The following KCNQ5 variants were observed in gnomAD, a reference collection of about 807,000 sequenced individuals.
The protein encoded by KCNQ5 is potassium voltage-gated channel subfamily Q member 5.
In KCNQ5, 30 loss-of-function variants were observed where a neutral mutation model predicts 98.2. That is an observed-to-expected ratio of 0.31 (90% CI 0.23 to 0.41). The LOEUF is 0.41. KCNQ5 is among the 10% of genes least tolerant of loss of function. The pLI is 1.00. For missense variants in KCNQ5, 835 were observed against 1,182.5 expected (o/e 0.71, Z 4.31); for synonymous variants, 458 against 449.4 (o/e 1.02, Z -0.24).
chr6:72,912,881 T>C (rs1426445080), intron 1 of KCNQ5, among the ~76,000 whole-genome samples: 1 of 152,156 alleles, frequency 6.6e-6, no homozygotes, highest in African/African-American at 2.4e-5. Context: ...TAACTTCCTT[T>C]AAAAGGACAT....
At chr6:73,032,797 A>AGGTTT (rs1344547920) in intron 2 of KCNQ5, among the ~76,000 whole-genome samples, 18 of 151,670 alleles carry the variant, frequency 1.2e-4, no homozygotes, top group African/African-American at 4.1e-4. Flanking sequence ...CAAACCAATT[A>AGGTTT]AGGTATAAAT....
chr6:72,938,666 C>T (rs1039414679), intron 1 of KCNQ5, among the ~76,000 whole-genome samples: 12 of 152,124 alleles, frequency 7.9e-5, no homozygotes, highest in East Asian at 1.9e-4. Context: ...ATTACAGGCA[C>T]GAGTCACCAC....
chr6:72,940,211 C>A (rs1766156225), intron 1 of KCNQ5, among the ~76,000 whole-genome samples: 1 of 152,108 alleles, frequency 6.6e-6, no homozygotes, highest in Non-Finnish European at 1.5e-5. Context: ...CCAGAAAGGG[C>A]CTGCCTATTC....
intron 1 of KCNQ5, among the ~76,000 whole-genome samples, chr6:72,891,641 A>T (rs1779062047): frequency 6.6e-6 from 1 of 152,218 alleles, no homozygotes; most frequent in South Asian, 2.1e-4. Flanking sequence ...ATGGAGTTGC[A>T]TAATTTATGC....
At chr6:72,850,322 G>C (rs1289797197) in intron 1 of KCNQ5, among the ~76,000 whole-genome samples, 2 of 152,206 alleles carry the variant, frequency 1.3e-5, no homozygotes, top group East Asian at 3.9e-4. Context: ...TTGCACAGTT[G>C]GCACGATCTA....
chr6:72,852,495 G>C (rs1018799899), intron 1 of KCNQ5, among the ~76,000 whole-genome samples: 2 of 150,198 alleles, frequency 1.3e-5, no homozygotes, highest in Non-Finnish European at 3.0e-5. Context: ...TATGTTAAGT[G>C]AAATAAGCCA....
chr6:72,971,188 T>C (rs1767878600), intron 1 of KCNQ5, among the ~76,000 whole-genome samples: 2 of 152,126 alleles, frequency 1.3e-5, no homozygotes, highest in African/African-American at 2.4e-5. Flanking sequence ...GGGTGAAGGA[T>C]ATGAACAGAC....
Position 73,063,690 on chromosome 6 carries a change from A to AGATAGATAGAT in KCNQ5, c.617-13631_617-13621dup, listed in dbSNP as rs1772901872. ...GATGATAGATAGATAGATAGATGAT[A>AGATAGATAGAT]GATAGATAGATAGATAGATAGATAG... On this transcript the variant is annotated intron_variant, in intron 3 of 13. Transcript: ENST00000370398. 1.1e-4 allele frequency among the ~76,000 whole-genome samples: 9 copies of AGATAGATAGAT among 80,320 alleles called. No individual in the cohort carries two copies. The East Asian group carries it at 1.2e-3, about 11-fold the overall frequency. 52.7% of individuals were successfully genotyped at this position (80,320 alleles called of 152,430 possible). A position where few individuals can be genotyped will look rare whatever the true frequency, so the allele number is the denominator to read the frequency against.
intron 3 of KCNQ5, among the ~76,000 whole-genome samples, chr6:73,046,638 A>ATTTTTTTTTTTTT (rs1771975442): frequency 6.8e-6 from 1 of 146,132 alleles, no homozygotes; most frequent in African/African-American, 2.5e-5. Flanking sequence ...ATTTTATTTT[A>ATTTTTTTTTTTTT]TTTTATTTTA....
chr6:73,193,080 G>A (rs139956196), intron 13 of KCNQ5, among the ~76,000 whole-genome samples: 148 of 148,606 alleles, frequency 1.0e-3, no homozygotes, highest in African/African-American at 3.6e-3. Context: ...GAGTGTAGTG[G>A]CATGCTCCCA....
intron 2 of KCNQ5, among the ~76,000 whole-genome samples, chr6:73,034,839 C>CTTTTTTTTT (rs71669816): frequency 1.8e-5 from 2 of 113,540 alleles, no homozygotes; most frequent in African/African-American, 6.2e-5. Flanking sequence ...TGCCTCTTTT[C>CTTTTTTTTT]TTTTTTTTTT....
At chr6:72,950,697 A>T (rs1050034211) in intron 1 of KCNQ5, among the ~76,000 whole-genome samples, 1 of 103,692 alleles carries the variant, frequency 9.6e-6, no homozygotes, top group South Asian at 3.1e-4. Context: ...AGGGCATTGG[A>T]GGGGAAGTGA....
rs577468395 is a variant in KCNQ5 at position 72,765,917 on chromosome 6, A to AG, written c.398+143330_398+143331insG. Among the ~76,000 whole-genome samples the AG allele has an allele frequency of 2.8e-3, 429 of 152,180 alleles. 1 individual carries two copies. Among genetic ancestry groups the AG allele is most frequent in the African/African-American group, 9.6e-3 (399 of 41,556 alleles). On this transcript the variant is annotated intron_variant, in intron 1 of 13. Transcript: ENST00000370398. The stretch of plus-strand genomic sequence containing the variant: ...TAGGATGACAGTAACAAAGACATTA[A>AG]TTCATTCATCTGTTTATGCCTTCAA...
intron 1 of KCNQ5, among the ~76,000 whole-genome samples, chr6:72,686,090 G>A (rs901430894): frequency 1.3e-5 from 2 of 152,104 alleles, no homozygotes; most frequent in Admixed American, 6.5e-5. Flanking sequence ...TGACCTCATC[G>A]AAACCTGATT....
rs2150530009 is a variant in KCNQ5 at position 73,197,454 on chromosome 6, GAC to G, written c.*2042_*2043del. 1 of 152,220 alleles carries G rather than the reference GAC, an allele frequency of 6.6e-6. No individual in the cohort carries two copies. Among genetic ancestry groups the G allele is most frequent in the African/African-American group, 2.4e-5 (1 of 41,548 alleles). 9.4% of individuals were successfully genotyped at this position (152,220 alleles called of 1,614,324 possible). A position where few individuals can be genotyped will look rare whatever the true frequency, so the allele number is the denominator to read the frequency against. On this transcript the variant is annotated 3_prime_UTR_variant, in exon 14 of 14. Coordinates refer to ENST00000370398, the MANE Select transcript of KCNQ5 (RefSeq NM_019842.4). ...AGGCTAAATTTTACACTTCAGTTAAGACATTGTCAATCCTTTTAAGCAATTGT... is the reference window on the plus strand; with the variant it reads ...AGGCTAAATTTTACACTTCAGTTAAGATTGTCAATCCTTTTAAGCAATTGT...
rs760350947 is a variant in KCNQ5, at chr6:73,194,537, T to C, written c.1922T>C (p.Leu641Ser). ...LRKGSASALA[L>S]ASFQIPPFEC... ...AAAGGCTCTGCCTCAGCCCTCGCTT[T>C]GGCTTCATTCCAGATCCCACCTTTT... Residue 641 changes from leucine to serine, a missense_variant, in exon 14 of 14, where the codon TTG becomes TCG. Coordinates refer to ENST00000370398, the MANE Select transcript of KCNQ5 (RefSeq NM_019842.4). The C allele has an allele frequency of 6.2e-7, 1 of 1,614,260 alleles. No individual in the cohort carries two copies. The highest frequency in any genetic ancestry group is 8.5e-7 in the Non-Finnish European group (1 of 1,180,048).
rs1326246198 is a variant in KCNQ5, at chr6:72,791,543, A to G, written c.398+168956A>G. Among the ~76,000 whole-genome samples, 9 of 152,302 alleles carry G rather than the reference A, an allele frequency of 5.9e-5. No individual in the cohort carries two copies. In the South Asian group the frequency reaches 1.9e-3, roughly 32 times the overall value. On this transcript the variant is annotated intron_variant, in intron 1 of 13. Coordinates refer to ENST00000370398, the MANE Select transcript of KCNQ5 (RefSeq NM_019842.4). ...ATGTCATATCAAATGACTCCTGCCT[A>G]TGCCTGGTTGGTGGATTACTTTTGT...
intron 1 of KCNQ5, among the ~76,000 whole-genome samples, chr6:72,839,008 G>A (rs985325463): frequency 7.4e-6 from 1 of 135,176 alleles, no homozygotes; most frequent in African/African-American, 2.7e-5. Context: ...GCATATTTTT[G>A]TTCTCACCTA....
Position 72,895,403 on chromosome 6 carries a change from C to A in KCNQ5, c.399-108505C>A, listed in dbSNP as rs181920600. ...GAAGGGCTGTGAAATGACAAGAATG[C>A]TCCCCAAAACATCTGATTAACAATT... On this transcript the variant is annotated intron_variant, in intron 1 of 13. Coordinates refer to ENST00000370398, the MANE Select transcript of KCNQ5 (RefSeq NM_019842.4). Among the ~76,000 whole-genome samples the A allele has an allele frequency of 1.1e-3, 171 of 151,772 alleles. 1 individual carries two copies. The highest frequency in any genetic ancestry group is 1.9e-3 in the Admixed American group (29 of 15,252).
Sources: gnomAD v4.1 joint callset for allele counts (sites outside exome capture counted in the v4.1 genomes callset) on GRCh38, gnomAD v4.1.1 for gene constraint, MANE v1.5 for transcripts, NCBI Gene and HGNC (gene_info 2026-07-23, HGNC 2026-07-21) for gene names.